Variants in SHISA9 observed in about 807,000 individuals in gnomAD.
SHISA9 encodes the protein shisa family member 9, also known as protein shisa-9.
In SHISA9, 13 loss-of-function variants were observed where a neutral mutation model predicts 38.0. The ratio of observed to expected loss-of-function variants is 0.34; its 90% CI spans 0.22 to 0.54. The LOEUF (loss-of-function observed/expected upper bound fraction) is 0.54. SHISA9 is among the 20% of genes least tolerant of loss of function. The probability of loss-of-function intolerance (pLI) is 0.91; values close to 1 mark genes in which losing one functional copy is unlikely to be tolerated. For missense variants in SHISA9, 538 were observed against 575.8 expected (o/e 0.93, Z 0.67); for synonymous variants, 275 against 242.0 (o/e 1.14, Z -1.27).
At chr16:12,990,747 C>T (rs2072374124) in intron 2 of SHISA9, among the ~76,000 whole-genome samples, 1 of 152,134 alleles carries the variant, frequency 6.6e-6, no homozygotes, top group African/African-American at 2.4e-5. Flanking sequence ...GCAGGCCCCA[C>T]AACAAAGAAT....
intron 1 of SHISA9, among the ~76,000 whole-genome samples, chr16:12,903,356 G>A (rs2071047344): frequency 1.3e-5 from 2 of 152,286 alleles, no homozygotes; most frequent in South Asian, 2.1e-4. Context: ...GGACTCCGGG[G>A]GCCCGAGCCC....
chr16:13,135,231 C>T (rs960997326), intron 2 of SHISA9, among the ~76,000 whole-genome samples: 2 of 152,300 alleles, frequency 1.3e-5, no homozygotes, highest in South Asian at 4.2e-4. Context: ...AATGTATCAG[C>T]AGGTATGAAA....
In SHISA9 at chr16:13,238,622, G is replaced by A. The variant is rs938991423; in HGVS notation, c.*3213G>A. The A allele has an allele frequency of 6.6e-6, 1 of 152,042 alleles. No homozygotes were observed. The highest frequency in any genetic ancestry group is 2.4e-5 in the African/African-American group (1 of 41,384). 9.4% of individuals were successfully genotyped at this position (152,042 alleles called of 1,614,324 possible). ...ATTTTGGCAGCAAAGGTGCAGACTG[G>A]TCATTAAGATGTAGCCACAATGATG... On this transcript the variant is annotated 3_prime_UTR_variant, in exon 5 of 5. Transcript: ENST00000558583.
At chr16:13,502,644 G>A in the SHISA9 span, among the ~76,000 whole-genome samples, 1 of 152,232 alleles carries the variant, frequency 6.6e-6, no homozygotes, top group East Asian at 1.9e-4. Context: ...GGAGGCCGAG[G>A]CAGATGGATC....
intron 2 of SHISA9, chr16:13,082,434 C>G (rs891579573): frequency 1.3e-5 from 2 of 152,130 alleles, no homozygotes; most frequent in Admixed American, 6.5e-5. Context: ...CTCTTTTCTT[C>G]TGGTCTGAAA....
At chr16:13,367,712 G>GCACACACA in the SHISA9 span, among the ~76,000 whole-genome samples, 1,868 of 104,574 alleles carry the variant, frequency 0.018, 46 homozygotes, top group East Asian at 0.06. Flanking sequence ...GCGCGCGCGC[G>GCACACACA]CACACACACA....
At chr16:12,902,816 G>A (rs1255872237) in intron 1 of SHISA9, 189 bp downstream of exon 1, 1 of 625,060 alleles carries the variant, frequency 1.6e-6, no homozygotes, top group East Asian at 2.7e-5. Flanking sequence ...CTCAGCACAG[G>A]TGTGGGTCTG....
chr16:12,921,892 C>G (rs2071333598), intron 2 of SHISA9, among the ~76,000 whole-genome samples: 2 of 152,196 alleles, frequency 1.3e-5, no homozygotes, highest in Admixed American at 1.3e-4. Context: ...GTGACTTACA[C>G]AGATAACATT....
chr16:13,104,059 C>T (rs1004204601), intron 2 of SHISA9, among the ~76,000 whole-genome samples: 5 of 152,170 alleles, frequency 3.3e-5, no homozygotes, highest in African/African-American at 9.7e-5. Context: ...GTGTCTGGTT[C>T]TTGATCCAAC....
intron 2 of SHISA9, among the ~76,000 whole-genome samples, chr16:12,989,061 T>C (rs965984905): frequency 6.6e-6 from 1 of 152,172 alleles, no homozygotes; most frequent in African/African-American, 2.4e-5. Context: ...GAAAGTGGCA[T>C]TGCTGAAACT....
At chr16:13,122,134 G>A (rs981822114) in intron 2 of SHISA9, among the ~76,000 whole-genome samples, 2 of 152,124 alleles carry the variant, frequency 1.3e-5, no homozygotes, top group African/African-American at 4.8e-5. Context: ...CCATAGTAGG[G>A]GCTCAATGCT....
chr16:13,072,273 G>T (rs117931552), intron 2 of SHISA9, among the ~76,000 whole-genome samples: 4,565 of 152,342 alleles, frequency 0.03, 176 homozygotes, highest in Admixed American at 0.1. Context: ...AGTTAATGAA[G>T]CCTGTCCTCA....
At chr16:13,299,724 AC>A in the SHISA9 span, among the ~76,000 whole-genome samples, 3 of 151,410 alleles carry the variant, frequency 2.0e-5, no homozygotes, top group South Asian at 6.3e-4. Flanking sequence ...AAAAAAAAAA[AC>A]AAAAAAAACC....
downstream of SHISA9, among the ~76,000 whole-genome samples, chr16:13,241,323 G>A (rs144845843): frequency 4.2e-4 from 64 of 152,242 alleles, no homozygotes; most frequent in Non-Finnish European, 7.4e-4. Context: ...CCTGGCCAAC[G>A]TGGATTAACC....
intron 2 of SHISA9, among the ~76,000 whole-genome samples, chr16:13,014,603 G>A (rs1038566894): frequency 6.6e-6 from 1 of 152,178 alleles, no homozygotes; most frequent in Non-Finnish European, 1.5e-5. Flanking sequence ...ACCCAAAGCA[G>A]CTATTTCAAA....
chr16:13,213,155 G>A (rs911984438), intron 3 of SHISA9, 98 bp from the exon 4 acceptor site: 16 of 1,043,904 alleles, frequency 1.5e-5, no homozygotes, highest in East Asian at 2.6e-5. Flanking sequence ...CTTGGAGGCT[G>A]CAGCAGGGGC....
the SHISA9 span, among the ~76,000 whole-genome samples, chr16:13,543,648 C>T: frequency 3.9e-5 from 6 of 152,176 alleles, no homozygotes; most frequent in Middle Eastern, 3.4e-3. Flanking sequence ...GCACAGAGTC[C>T]GTGACACCAG....
the SHISA9 span, among the ~76,000 whole-genome samples, chr16:13,544,013 T>A: frequency 0.15 from 22,922 of 151,942 alleles, 1,865 homozygotes; most frequent in African/African-American, 0.2. Context: ...TGCCTAAAAT[T>A]TTACAGGGAG....
At chr16:13,215,547 C>T (rs573091566) in intron 4 of SHISA9, among the ~76,000 whole-genome samples, 3 of 152,088 alleles carry the variant, frequency 2.0e-5, no homozygotes, top group African/African-American at 4.8e-5. Context: ...AAAACAAAGC[C>T]GTTATGATCT....
Sources: allele counts gnomAD v4.1 joint callset (sites outside exome capture counted in the v4.1 genomes callset), GRCh38; gene constraint gnomAD v4.1.1; transcripts MANE v1.5; gene names NCBI Gene and HGNC (gene_info 2026-07-23, HGNC 2026-07-21).